Variants in NEK11 observed in about 807,000 individuals in gnomAD.
The protein encoded by NEK11 is NIMA related kinase 11.
NEK11 carries 72 observed loss-of-function variants against 80.7 expected under a neutral mutation model. The ratio of observed to expected loss-of-function variants is 0.89; its 90% confidence interval spans 0.74 to 1.08. The LOEUF is 1.08. Ranked by LOEUF, NEK11 falls within the 50% of genes least tolerant of loss-of-function variation. The pLI is 0.00. For synonymous variants in NEK11, 251 were observed against 260.7 expected, an observed-to-expected ratio of 0.96 and a Z score of 0.36; for missense variants, 764 against 763.6, an observed-to-expected ratio of 1.00 and a Z score of -0.01.
chr3:131,295,275 G>C (rs149492390), intron 17 of NEK11, among the ~76,000 whole-genome samples: 1 of 151,698 alleles, frequency 6.6e-6, no homozygotes, highest in Non-Finnish European at 1.5e-5. Flanking sequence ...CTTAGGACCA[G>C]AAGTTGTTTC....
At chr3:131,306,161 A>G (rs2096721436) in intron 17 of NEK11, among the ~76,000 whole-genome samples, 1 of 152,212 alleles carries the variant, frequency 6.6e-6, no homozygotes, top group African/African-American at 2.4e-5. Flanking sequence ...TAGAGTTAGC[A>G]TAATCATAGT....
Position 131,228,462 on chromosome 3 carries a change from A to G in NEK11, c.1400-66A>G, listed in dbSNP as rs1330496204. 5 of 1,364,348 alleles carry G rather than the reference A, an allele frequency of 3.7e-6. No homozygotes were observed. In the East Asian group the frequency reaches 7.0e-5, roughly 19 times the overall value. The allele number at this position is 1,364,348 out of a possible 1,614,324, so 84.5% of individuals were successfully genotyped here. A position where few individuals can be genotyped will look rare whatever the true frequency, so the allele number is the denominator to read the frequency against. On this transcript the variant is annotated intron_variant, in intron 14 of 17. Transcript: ENST00000383366. ...AAAATATACATCCCTGTGAAAAGAT[A>G]CAGTATTCTTACCTCATTATAATTT...
At chr3:131,160,727 G>GA (rs1234206317) in intron 10 of NEK11, among the ~76,000 whole-genome samples, 1 of 152,130 alleles carries the variant, frequency 6.6e-6, no homozygotes, top group Non-Finnish European at 1.5e-5. Context: ...GAAGGATGGA[G>GA]AAAAATCTAC....
chr3:131,140,286 C>A (rs1422722767), intron 7 of NEK11, among the ~76,000 whole-genome samples: 3 of 152,060 alleles, frequency 2.0e-5, no homozygotes, highest in Non-Finnish European at 4.4e-5. Flanking sequence ...CTGAGTGGCA[C>A]ATTGAGAGAC....
intron 4 of NEK11, among the ~76,000 whole-genome samples, chr3:131,083,500 C>T (rs2149061594): frequency 6.6e-6 from 1 of 152,322 alleles, no homozygotes; most frequent in South Asian, 2.1e-4. Flanking sequence ...AGATATTTCT[C>T]ATCATCAGAC....
At chr3:131,052,134 G>GTT (rs34528776) in intron 3 of NEK11, among the ~76,000 whole-genome samples, 1,691 of 127,186 alleles carry the variant, frequency 0.013, 9 homozygotes, top group Non-Finnish European at 0.018. Flanking sequence ...GGTTTTTTTT[G>GTT]TTTTTTTTTT....
intron 3 of NEK11, among the ~76,000 whole-genome samples, chr3:131,059,921 C>G (rs1388282054): frequency 1.3e-5 from 2 of 152,180 alleles, no homozygotes; most frequent in African/African-American, 4.8e-5. Context: ...TTGACTAACA[C>G]AGACAGGACC....
intron 10 of NEK11, among the ~76,000 whole-genome samples, chr3:131,158,708 G>T (rs1474091484): frequency 6.6e-6 from 1 of 152,230 alleles, no homozygotes; most frequent in Non-Finnish European, 1.5e-5. Context: ...CTCTGCTGCT[G>T]CTGTGAATGC....
intron 14 of NEK11, among the ~76,000 whole-genome samples, chr3:131,225,606 A>T (rs902161085): frequency 2.6e-5 from 4 of 152,246 alleles, no homozygotes; most frequent in African/African-American, 9.6e-5. Flanking sequence ...GAAAGCTTAA[A>T]TAACACAGTG....
chr3:131,298,187 T>C (rs532706762), intron 17 of NEK11, among the ~76,000 whole-genome samples: 16 of 150,134 alleles, frequency 1.1e-4, no homozygotes, highest in Non-Finnish European at 1.2e-4. Flanking sequence ...GTAGTTTTTT[T>C]CCAATTCTGT....
Position 131,170,887 on chromosome 3 carries a change from G to C in NEK11, c.1399G>C (p.Glu467Gln), listed in dbSNP as rs766923412. Residue 467 changes from glutamate to glutamine, a missense_variant and splice_region_variant, in exon 14 of 18, where the codon GAG becomes CAG. Physicochemically the swap from Glu to Gln is conservative, Grantham distance 29 (BLOSUM62 2). Coordinates refer to ENST00000383366, the MANE Select transcript of NEK11 (RefSeq NM_024800.5). The part of the protein sequence containing the change: ...EDATSDLGYH[E>Q]IPEDPLVAEE... ...TGCCACATCTGACCTTGGATACCAT[G>C]GTATGTGTTTGCATTGATTTTCAGA... 5.6e-6 allele frequency: 9 copies of C among 1,606,310 alleles called. No homozygotes were observed. The highest frequency in any genetic ancestry group is 7.7e-6 in the Non-Finnish European group (9 of 1,172,886).
At chr3:131,058,866 G>A (rs13072916) in intron 3 of NEK11, among the ~76,000 whole-genome samples, 25,059 of 152,050 alleles carry the variant, frequency 0.16, 2,179 homozygotes, top group Middle Eastern at 0.2. Flanking sequence ...AGAGGCAACT[G>A]GCCCAAATGG....
At chr3:131,030,515 G>A (rs2064677587) in intron 3 of NEK11, among the ~76,000 whole-genome samples, 1 of 152,146 alleles carries the variant, frequency 6.6e-6, no homozygotes, top group African/African-American at 2.4e-5. Context: ...TGTTCATAAT[G>A]ACTATTTTTA....
intron 16 of NEK11, among the ~76,000 whole-genome samples, chr3:131,245,117 C>T (rs776369614): frequency 1.3e-5 from 2 of 151,962 alleles, no homozygotes; most frequent in Non-Finnish European, 2.9e-5. Flanking sequence ...GAGTCTCCAA[C>T]GTCCGTTACT....
intron 7 of NEK11, among the ~76,000 whole-genome samples, chr3:131,136,673 A>G (rs965559695): frequency 6.6e-6 from 1 of 152,210 alleles, no homozygotes; most frequent in South Asian, 2.1e-4. Flanking sequence ...CATTCAGTAC[A>G]GGAAGTCCTT....
At chr3:131,283,661 A>G (rs752850836) in intron 17 of NEK11, among the ~76,000 whole-genome samples, 2 of 152,144 alleles carry the variant, frequency 1.3e-5, no homozygotes, top group Non-Finnish European at 1.5e-5. Flanking sequence ...AGATGCAGTG[A>G]TGGTTCTTTT....
intron 15 of NEK11, among the ~76,000 whole-genome samples, chr3:131,241,418 T>G (rs936586509): frequency 6.6e-6 from 1 of 152,128 alleles, no homozygotes; most frequent in Admixed American, 6.6e-5. Flanking sequence ...GGAGCAATGG[T>G]CCAGCCATTA....
chr3:131,124,605 T>C lies in NEK11; in HGVS notation c.456-8140T>C, dbSNP rs1319979393. ...GAAGAGGAGGAGAATGGTTATTGGG[T>C]AGGCATTTCACAGTTCCTGCCACAC... On this transcript the variant is annotated intron_variant, in intron 5 of 17. Coordinates refer to ENST00000383366, the MANE Select transcript of NEK11 (RefSeq NM_024800.5). Among the ~76,000 whole-genome samples, 4 of 152,150 alleles carry C rather than the reference T, an allele frequency of 2.6e-5. No individual in the cohort carries two copies. The East Asian group carries it at 7.7e-4, about 29-fold the overall frequency.
chr3:131,154,779 A>G (rs188872960), intron 9 of NEK11: 1 of 391,226 alleles, frequency 2.6e-6, no homozygotes, highest in East Asian at 4.1e-5. Flanking sequence ...AGGCCTGCCC[A>G]TGATTGGCAA....
Sources: gnomAD v4.1 joint callset for allele counts (sites outside exome capture counted in the v4.1 genomes callset) on GRCh38, gnomAD v4.1.1 for gene constraint, MANE v1.5 for transcripts, NCBI Gene and HGNC (gene_info 2026-07-23, HGNC 2026-07-21) for gene names.